Variants in HIVEP3 observed in about 807,000 individuals in gnomAD.
HIVEP3 encodes HIVEP zinc finger 3.
Under a neutral mutation model 152.8 loss-of-function variants are expected in HIVEP3, and 49 were observed. The ratio of observed to expected loss-of-function variants is 0.32; its 90% CI spans 0.26 to 0.41. The LOEUF is 0.41. Among genes scored for constraint, HIVEP3 ranks in the 10% least tolerant of loss-of-function variants. The pLI is 1.00. For synonymous variants in HIVEP3, 1,269 were observed against 1,289.0 expected (o/e 0.98, Z 0.33); for missense variants, 2,790 against 3,103.3 (o/e 0.90, Z 2.40).
rs562345032 is a variant in HIVEP3, at chr1:41,526,487, CCTT to C, written c.5208-1580_5208-1578del. Among the ~76,000 whole-genome samples the C allele has an allele frequency of 1.4e-4, 19 of 139,702 alleles. No homozygotes were observed. The South Asian group carries it at 3.3e-3, about 24-fold the overall frequency. The allele number at this position is 139,702 out of a possible 152,430, so 91.6% of individuals were successfully genotyped here. A position where few individuals can be genotyped will look rare whatever the true frequency, so the allele number is the denominator to read the frequency against. ...ACCCCCACACTCACCTTCACACTCA[CCTT>C]CACACTCCACACCCCTGCCGTCACA... On this transcript the variant is annotated intron_variant, in intron 5 of 8. Transcript: ENST00000372583.
intron 7 of HIVEP3, among the ~76,000 whole-genome samples, chr1:41,515,288 G>T (rs934635141): frequency 3.9e-5 from 6 of 152,240 alleles, no homozygotes; most frequent in Non-Finnish European, 8.8e-5. Context: ...ATATGCAGCA[G>T]TCAGATGTCC....
chr1:41,938,095 T>C (rs948467736), intron 1 of HIVEP3, among the ~76,000 whole-genome samples: 2 of 152,206 alleles, frequency 1.3e-5, no homozygotes, highest in African/African-American at 4.8e-5. Context: ...CGCTTTCCTC[T>C]CTTTCACTTG....
chr1:41,587,928 C>A (rs559059605), intron 3 of HIVEP3, among the ~76,000 whole-genome samples: 1 of 152,166 alleles, frequency 6.6e-6, no homozygotes, highest in African/African-American at 2.4e-5. Context: ...GCTGTATCCA[C>A]GGCAAGAGGG....
chr1:41,703,665 C>T (rs1373222540), intron 1 of HIVEP3, among the ~76,000 whole-genome samples: 2 of 152,156 alleles, frequency 1.3e-5, no homozygotes, highest in African/African-American at 4.8e-5. Flanking sequence ...ATCTCCTGCA[C>T]CTAGCATAAG....
chr1:41,810,033 A>C (rs973944174), intron 1 of HIVEP3, among the ~76,000 whole-genome samples: 3 of 152,192 alleles, frequency 2.0e-5, no homozygotes, highest in African/African-American at 7.2e-5. Context: ...CAGCCAGTCA[A>C]GTTTTATACC....
At chr1:41,857,176 C>T (rs1225994940) in intron 1 of HIVEP3, among the ~76,000 whole-genome samples, 1 of 152,192 alleles carries the variant, frequency 6.6e-6, no homozygotes, top group Non-Finnish European at 1.5e-5. Flanking sequence ...GGCCATCCAG[C>T]CCTCCTCCCC....
chr1:41,902,572 C>T lies in HIVEP3; in HGVS notation c.-801+15841G>A, dbSNP rs575139390. 2.2e-4 allele frequency among the ~76,000 whole-genome samples: 33 copies of T among 152,348 alleles called. No individual in the cohort carries two copies. In the South Asian group the frequency reaches 6.8e-3, roughly 32 times the overall value. ...ACAGAAACTCCCAGCCACTCCAACT[C>T]TCTTGGCAAGAGGGTAATCCTTTGA... On this transcript the variant is annotated intron_variant, in intron 1 of 8. Coordinates refer to ENST00000372583, the MANE Select transcript of HIVEP3 (RefSeq NM_024503.5).
chr1:41,710,017 G>T (rs1278884440), intron 1 of HIVEP3, among the ~76,000 whole-genome samples: 1 of 152,170 alleles, frequency 6.6e-6, no homozygotes, highest in East Asian at 1.9e-4. Flanking sequence ...CCCTAGGGAA[G>T]TTTCTAGCTG....
chr1:41,565,670 C>A (rs925515964), intron 5 of HIVEP3, among the ~76,000 whole-genome samples: 25 of 152,224 alleles, frequency 1.6e-4, no homozygotes, highest in African/African-American at 5.8e-4. Context: ...AGCCTGATTC[C>A]CCAGGACAGA....
chr1:41,669,057 T>A (rs970404756), intron 2 of HIVEP3, among the ~76,000 whole-genome samples: 1 of 152,170 alleles, frequency 6.6e-6, no homozygotes, highest in African/African-American at 2.4e-5. Flanking sequence ...GTCAGCCATG[T>A]ACCTTCCGGC....
At chr1:41,964,944 A>T (rs1645189455) in intron 1 of HIVEP3, among the ~76,000 whole-genome samples, 1 of 152,178 alleles carries the variant, frequency 6.6e-6, no homozygotes, top group African/African-American at 2.4e-5. Flanking sequence ...CCCTGATCCC[A>T]TGCCTCCTGA....
intron 1 of HIVEP3, among the ~76,000 whole-genome samples, chr1:41,760,658 A>G (rs1302276381): frequency 1.3e-5 from 2 of 152,218 alleles, no homozygotes; most frequent in East Asian, 1.9e-4. Flanking sequence ...CATGGGGCTG[A>G]TCACAGTACA....
intron 1 of HIVEP3, among the ~76,000 whole-genome samples, chr1:41,865,810 T>A (rs1421416984): frequency 6.6e-6 from 1 of 152,210 alleles, no homozygotes; most frequent in Non-Finnish European, 1.5e-5. Flanking sequence ...GCAACAGCTT[T>A]AACTATGAGC....
chr1:41,704,645 C>T (rs1646408478), intron 1 of HIVEP3, among the ~76,000 whole-genome samples: 1 of 152,248 alleles, frequency 6.6e-6, no homozygotes, highest in Non-Finnish European at 1.5e-5. Context: ...TTAGACTTCA[C>T]AATGAGTCTG....
chr1:41,928,605 T>C (rs544734165), intron 1 of HIVEP3, among the ~76,000 whole-genome samples: 2 of 152,364 alleles, frequency 1.3e-5, no homozygotes, highest in African/African-American at 2.4e-5. Context: ...GGATCCCACA[T>C]TGCATTTAGT....
chr1:41,950,566 T>A (rs114952623), intron 1 of HIVEP3, among the ~76,000 whole-genome samples: 2 of 152,224 alleles, frequency 1.3e-5, no homozygotes, highest in Non-Finnish European at 2.9e-5. Flanking sequence ...GAATGCTCTA[T>A]CCCATCCATG....
At chr1:41,900,254 C>T (rs1484597046) in intron 1 of HIVEP3, among the ~76,000 whole-genome samples, 1 of 152,120 alleles carries the variant, frequency 6.6e-6, no homozygotes, top group Non-Finnish European at 1.5e-5. Flanking sequence ...TCCTACAGGG[C>T]TGCTATAAGG....
intron 1 of HIVEP3, among the ~76,000 whole-genome samples, chr1:41,790,121 T>C (rs1649603524): frequency 6.6e-6 from 1 of 152,186 alleles, no homozygotes; most frequent in Admixed American, 6.5e-5. Flanking sequence ...GATTTGGATG[T>C]TCATTCCCCC....
At chr1:41,700,480 T>C (rs1003543208) in intron 2 of HIVEP3, among the ~76,000 whole-genome samples, 1 of 151,968 alleles carries the variant, frequency 6.6e-6, no homozygotes, top group African/African-American at 2.4e-5. Flanking sequence ...GGAGACTGAG[T>C]TCTAAGGATG....
Sources: allele counts gnomAD v4.1 joint callset (sites outside exome capture counted in the v4.1 genomes callset), GRCh38; gene constraint gnomAD v4.1.1; transcripts MANE v1.5; gene names NCBI Gene and HGNC (gene_info 2026-07-23, HGNC 2026-07-21).